CFAP46: variants seen among roughly 807,000 people sequenced by gnomAD.
The protein encoded by CFAP46 is cilia and flagella associated protein 46.
A neutral mutation model predicts 325.7 loss-of-function variants in CFAP46; 245 were observed. The observed-to-expected ratio is 0.75, with a 90% CI of 0.68 to 0.84. CFAP46 has a LOEUF of 0.84. Among genes scored for constraint, CFAP46 ranks in the 40% least tolerant of loss-of-function variants. CFAP46 has a pLI of 0.00. For missense variants in CFAP46, 3,346 were observed against 3,543.0 expected (o/e 0.94, Z 1.41); for synonymous variants, 1,523 against 1,495.9 (o/e 1.02, Z -0.42).
At chr10:132,845,395 G>A (rs992001859) in intron 44 of CFAP46, among the ~76,000 whole-genome samples, 1 of 152,176 alleles carries the variant, frequency 6.6e-6, no homozygotes, top group African/African-American at 2.4e-5. Flanking sequence ...GCCAGTGGCG[G>A]ATGCTGCCCC....
chr10:132,900,376 G>A (rs942611435), intron 22 of CFAP46, among the ~76,000 whole-genome samples: 3 of 152,250 alleles, frequency 2.0e-5, no homozygotes, highest in Admixed American at 1.3e-4. Flanking sequence ...CCGTGGCTGG[G>A]GCTGCAACGC....
intron 11 of CFAP46, among the ~76,000 whole-genome samples, chr10:132,923,499 G>C (rs1042125755): frequency 1.4e-5 from 2 of 141,976 alleles, no homozygotes; most frequent in African/African-American, 2.7e-5. Flanking sequence ...CCCTGGCCTT[G>C]AGCAGCCATG....
intron 25 of CFAP46, among the ~76,000 whole-genome samples, chr10:132,890,664 T>G (rs10781589): frequency 0.6 from 91,016 of 151,624 alleles, 28,484 homozygotes; most frequent in African/African-American, 0.77. Context: ...GGGAGGTGGG[T>G]CTGAGGCTGT....
Position 132,908,652 on chromosome 10 carries a change from G to A in CFAP46, c.2758-18C>T. 2.6e-6 allele frequency: 4 copies of A among 1,521,828 alleles called. No homozygotes were observed. The highest frequency in any genetic ancestry group is 3.5e-6 in the Non-Finnish European group (4 of 1,132,038). The allele number at this position is 1,521,828 out of a possible 1,614,324, so 94.3% of individuals were successfully genotyped here. Reference sequence around the variant, plus strand: ...TTCACCAACTTCCGGTGGGTGGCAAGAGAAGGGGCACCGTGTTAGCAACAA... The same window carrying A: ...TTCACCAACTTCCGGTGGGTGGCAAAAGAAGGGGCACCGTGTTAGCAACAA... On this transcript the variant is annotated intron_variant, in intron 21 of 57. Transcript: ENST00000368586.
chr10:132,829,879 C>T (rs937197017), intron 50 of CFAP46, among the ~76,000 whole-genome samples: 30 of 152,160 alleles, frequency 2.0e-4, no homozygotes, highest in Admixed American at 4.6e-4. Context: ...TTAAAACCCA[C>T]GTGGACATAA....
intron 50 of CFAP46, among the ~76,000 whole-genome samples, chr10:132,822,038 T>G (rs1847856344): frequency 7.0e-6 from 1 of 143,020 alleles, no homozygotes. Context: ...AGTGCTGATG[T>G]GTGCTGATGT....
chr10:132,863,053 G>A (rs2135243798), intron 35 of CFAP46, among the ~76,000 whole-genome samples: 1 of 152,248 alleles, frequency 6.6e-6, no homozygotes, highest in Admixed American at 6.5e-5. Flanking sequence ...CTGCAGGAAG[G>A]AGGGTGGCGA....
At chr10:132,848,893 C>T (rs903210050) in intron 41 of CFAP46, among the ~76,000 whole-genome samples, 1 of 152,176 alleles carries the variant, frequency 6.6e-6, no homozygotes, top group Non-Finnish European at 1.5e-5. Flanking sequence ...AACCCTAGAC[C>T]GTGTCGATCC....
chr10:132,863,378 T>G (rs1848751480), intron 35 of CFAP46, among the ~76,000 whole-genome samples: 1 of 152,152 alleles, frequency 6.6e-6, no homozygotes, highest in Non-Finnish European at 1.5e-5. Context: ...CTTCTGTGTC[T>G]GCGGCTAAAA....
intron 24 of CFAP46, among the ~76,000 whole-genome samples, chr10:132,896,615 T>C (rs532715661): frequency 1.4e-4 from 22 of 152,324 alleles, no homozygotes; most frequent in African/African-American, 5.3e-4. Flanking sequence ...AGATAGACCA[T>C]GTTCATGGAT....
rs984444019 is a variant in CFAP46 at position 132,884,647 on chromosome 10, C to CT, written c.3627+455dup. Among the ~76,000 whole-genome samples, 1 of 152,152 alleles carries CT rather than the reference C, an allele frequency of 6.6e-6. No homozygotes were observed. Among genetic ancestry groups the CT allele is most frequent in the Non-Finnish European group, 1.5e-5 (1 of 68,006 alleles). ...CAAGGGGAACGTCCATCTCGCCTTC[C>CT]TGGGGGTGGGGAAGAGACGCCAACA... On this transcript the variant is annotated intron_variant, in intron 27 of 57. Transcript: ENST00000368586. The surrounding 1 kb of genome is among the most constrained non-coding windows in gnomAD (Gnocchi z 5.4).
Position 132,822,594 on chromosome 10 carries a change from A to T in CFAP46, c.7118-7680T>A, listed in dbSNP as rs1237243212. On this transcript the variant is annotated intron_variant, in intron 50 of 57. Coordinates refer to ENST00000368586, the MANE Select transcript of CFAP46 (RefSeq NM_001200049.3). ...CTGTGTGTGTGCTGTGTGCTGTGTG[A>T]GTGCTGATGTGTGCTGTGTGTTGTG... Among the ~76,000 whole-genome samples the T allele has an allele frequency of 2.6e-3, 184 of 70,042 alleles. 2 individuals are homozygous for T. Among genetic ancestry groups the T allele is most frequent in the African/African-American group, 7.6e-3 (127 of 16,808 alleles). The allele number at this position is 70,042 out of a possible 152,430, so 46.0% of individuals were successfully genotyped here. A position where few individuals can be genotyped will look rare whatever the true frequency, so the allele number is the denominator to read the frequency against.
intron 44 of CFAP46, among the ~76,000 whole-genome samples, chr10:132,843,878 G>A (rs187238704): frequency 8.5e-5 from 9 of 106,336 alleles, no homozygotes; most frequent in Admixed American, 4.5e-4. Flanking sequence ...CTCTGGTCTC[G>A]GTGGGTGTTC....
At chr10:132,854,323 G>GTGTTT (rs59344968) in intron 39 of CFAP46, among the ~76,000 whole-genome samples, 23,664 of 151,126 alleles carry the variant, frequency 0.16, 4,342 homozygotes, top group African/African-American at 0.45. Flanking sequence ...ATAGCTTTCT[G>GTGTTT]TGTTTTGTTT....
At chr10:132,878,146 C>A in intron 29 of CFAP46, 59 bp from the exon 30 acceptor site, 1 of 1,467,914 alleles carries the variant, frequency 6.8e-7, no homozygotes, top group Non-Finnish European at 9.3e-7. Context: ...CCCACTCTGC[C>A]CACCCTCCAC....
At chr10:132,922,268 C>A in intron 12 of CFAP46, 44 bp from the exon 13 acceptor site, 1 of 1,528,924 alleles carries the variant, frequency 6.5e-7, no homozygotes, top group South Asian at 1.2e-5. Context: ...GCTGGACTTT[C>A]CACAGCACCT....
Position 132,851,239 on chromosome 10 carries a change from C to T in CFAP46, c.5641G>A (p.Ala1881Thr). ...ARLKLGLVEMALDMLQFIWEE... is the reference protein window; with the variant it reads ...ARLKLGLVEMTLDMLQFIWEE... The stretch of plus-strand genomic sequence containing the variant: ...CAGATGAACTGGAGCATGTCCAGAG[C>T]CATTTCCACGAGGCCGAGCTTGAGG... Residue 1881 changes from alanine (A) to threonine (T), a missense_variant, in exon 40 of 58, where the codon GCT becomes ACT. Transcript: ENST00000368586. 6.2e-7 allele frequency: 1 copy of T among 1,614,100 alleles called. No individual in the cohort carries two copies. The highest frequency in any genetic ancestry group is 1.7e-5 in the Admixed American group (1 of 60,028).
chr10:132,903,009 C>T (rs1224051435), intron 22 of CFAP46, among the ~76,000 whole-genome samples: 1 of 146,736 alleles, frequency 6.8e-6, no homozygotes, highest in Non-Finnish European at 1.5e-5. Context: ...TGAGTTACGC[C>T]CCAGTGTGAG....
At chr10:132,822,403 G>C (rs1418480040) in intron 50 of CFAP46, among the ~76,000 whole-genome samples, 2 of 140,538 alleles carry the variant, frequency 1.4e-5, no homozygotes, top group Non-Finnish European at 3.1e-5. Flanking sequence ...GCTGATGTGT[G>C]CACTGTATGC....
Sources: gnomAD v4.1 joint callset for allele counts (sites outside exome capture counted in the v4.1 genomes callset) on GRCh38, gnomAD v4.1.1 for gene constraint, Gnocchi (gnomAD v3.1) non-coding constraint, MANE v1.5 for transcripts, NCBI Gene and HGNC (gene_info 2026-07-23, HGNC 2026-07-21) for gene names.